The following BBS9 variants were observed in gnomAD, a reference collection of about 807,000 sequenced individuals.
BBS9 encodes the protein protein PTHB1.
In BBS9, 89 loss-of-function variants were observed where a neutral mutation model predicts 117.7. The ratio of observed to expected loss-of-function variants is 0.76; its 90% CI spans 0.64 to 0.90. BBS9 has a LOEUF of 0.90. Ranked by LOEUF, BBS9 falls within the 40% of genes least tolerant of loss-of-function variation. The pLI is 0.00. For synonymous variants in BBS9, 379 were observed against 370.9 expected (o/e 1.02, Z -0.25); for missense variants, 982 against 1,042.2 (o/e 0.94, Z 0.80).
At chr7:33,251,110 GT>G (rs1796150066) in intron 5 of BBS9, among the ~76,000 whole-genome samples, 1 of 152,150 alleles carries the variant, frequency 6.6e-6, no homozygotes, top group Non-Finnish European at 1.5e-5. Flanking sequence ...AGTGACTTCA[GT>G]ATCTACAGGA....
Position 33,264,312 on chromosome 7 carries a change from A to G in BBS9, c.640A>G (p.Thr214Ala). ...CAGGTACCAGGTACTTGCTTTTGCAACAGATGCAGATAAAAGGCAGGAGAC... is the reference window on the plus strand; with the variant it reads ...CAGGTACCAGGTACTTGCTTTTGCAGCAGATGCAGATAAAAGGCAGGAGAC... ...SYKYQVLAFA[T>A]DADKRQETEQ... The change falls in exon 7 of 23, where the codon ACA becomes GCA. Residue 214 changes from threonine (T) to alanine (A), a missense_variant. By Grantham distance (58) the Thr-to-Ala change is moderately conservative. Coordinates refer to ENST00000242067, the MANE Select transcript of BBS9 (RefSeq NM_198428.3). 2 of 1,558,842 alleles carry G rather than the reference A, an allele frequency of 1.3e-6. No individual in the cohort carries two copies. Among genetic ancestry groups the G allele is most frequent in the Non-Finnish European group, 1.7e-6 (2 of 1,152,022 alleles).
At position 33,262,805 on chromosome 7, in the gene BBS9, G is replaced by A. The variant is rs114676669; in HGVS notation, c.618-1485G>A. Among the ~76,000 whole-genome samples the A allele has an allele frequency of 3.4e-3, 519 of 152,152 alleles. 4 individuals carry two copies. Among genetic ancestry groups the A allele is most frequent in the African/African-American group, 0.012 (491 of 41,500 alleles). The stretch of plus-strand genomic sequence containing the variant: ...TAATGCCTTCTCCTTCTTTACCAGC[G>A]TGATAGAATTTTCACTCATCCTTTA... On this transcript the variant is annotated intron_variant, in intron 6 of 22. Transcript: ENST00000242067.
chr7:33,293,427 T>C (rs1261163575), intron 9 of BBS9, among the ~76,000 whole-genome samples: 2 of 151,922 alleles, frequency 1.3e-5, no homozygotes, highest in Non-Finnish European at 2.9e-5. Context: ...TGAGAGGAGA[T>C]AAATCAACAC....
intron 19 of BBS9, among the ~76,000 whole-genome samples, chr7:33,500,139 A>G (rs1385119594): frequency 6.6e-6 from 1 of 152,252 alleles, no homozygotes; most frequent in Non-Finnish European, 1.5e-5. Flanking sequence ...AGTACCACAC[A>G]ACTTTGTGCA....
At chr7:33,281,798 A>AT (rs1300788364) in intron 9 of BBS9, among the ~76,000 whole-genome samples, 2 of 151,532 alleles carry the variant, frequency 1.3e-5, no homozygotes, top group African/African-American at 2.4e-5. Flanking sequence ...TTGCTTCCTT[A>AT]TTTTTTTAAT....
At chr7:33,362,279 C>T (rs1584492590) in intron 16 of BBS9, among the ~76,000 whole-genome samples, 2 of 152,098 alleles carry the variant, frequency 1.3e-5, no homozygotes, top group African/African-American at 4.8e-5. Context: ...TTCATAAACC[C>T]CCCCGTTTAT....
intron 19 of BBS9, among the ~76,000 whole-genome samples, chr7:33,449,228 C>A (rs1837423173): frequency 6.6e-6 from 1 of 152,122 alleles, no homozygotes; most frequent in Non-Finnish European, 1.5e-5. Context: ...GAATGGATGA[C>A]TTTGGGGAGA....
At chr7:33,611,553 TTATA>T (rs1369530744) in intron 21 of BBS9, among the ~76,000 whole-genome samples, 1 of 139,354 alleles carries the variant, frequency 7.2e-6, no homozygotes, top group African/African-American at 2.6e-5. Context: ...TTATATAATA[TTATA>T]TATTATATGT....
intron 19 of BBS9, among the ~76,000 whole-genome samples, chr7:33,501,478 A>G (rs1471114056): frequency 6.6e-6 from 1 of 152,152 alleles, no homozygotes; most frequent in East Asian, 1.9e-4. Flanking sequence ...GAATATATCC[A>G]ATGAGACTGA....
chr7:33,248,729 A>G (rs1795762064), intron 5 of BBS9, among the ~76,000 whole-genome samples: 1 of 152,188 alleles, frequency 6.6e-6, no homozygotes, highest in African/African-American at 2.4e-5. Flanking sequence ...TTCTGTAACA[A>G]TAACAAATTT....
intron 5 of BBS9, among the ~76,000 whole-genome samples, chr7:33,256,499 T>TA (rs1008375463): frequency 1.3e-5 from 2 of 152,298 alleles, no homozygotes; most frequent in African/African-American, 4.8e-5. Context: ...TCTTTTTTTT[T>TA]AGCCTCTTTT....
intron 21 of BBS9, among the ~76,000 whole-genome samples, chr7:33,545,477 G>C (rs1853154263): frequency 6.6e-6 from 1 of 152,110 alleles, no homozygotes; most frequent in Non-Finnish European, 1.5e-5. Context: ...TTCAGTTTCT[G>C]CAGTGGGGGT....
chr7:33,280,880 G>A (rs1203668872), intron 9 of BBS9, among the ~76,000 whole-genome samples: 3 of 87,316 alleles, frequency 3.4e-5, no homozygotes, highest in Non-Finnish European at 7.6e-5. Flanking sequence ...TTCTTTTTTG[G>A]TTTAAGTTTT....
chr7:33,450,932 A>G (rs1259512562), intron 19 of BBS9, among the ~76,000 whole-genome samples: 1 of 149,990 alleles, frequency 6.7e-6, no homozygotes, highest in Non-Finnish European at 1.5e-5. Context: ...TCTGTTGCCC[A>G]GGCTGGAGTG....
intron 19 of BBS9, among the ~76,000 whole-genome samples, chr7:33,419,177 A>G (rs141679340): frequency 2.5e-4 from 38 of 152,206 alleles, no homozygotes; most frequent in African/African-American, 7.7e-4. Context: ...TGCTACCTTA[A>G]TTATTCTTCA....
chr7:33,546,684 A>C (rs543145977), intron 21 of BBS9, among the ~76,000 whole-genome samples: 2 of 152,198 alleles, frequency 1.3e-5, no homozygotes, highest in Non-Finnish European at 1.5e-5. Context: ...GCTTTTAAAG[A>C]GTTCCCTTGG....
intron 5 of BBS9, among the ~76,000 whole-genome samples, chr7:33,206,210 A>G (rs992469944): frequency 6.6e-6 from 1 of 152,228 alleles, no homozygotes; most frequent in Non-Finnish European, 1.5e-5. Context: ...TTCATGGCAG[A>G]TGATTCAAAT....
intron 19 of BBS9, among the ~76,000 whole-genome samples, chr7:33,460,596 AT>A (rs1024088854): frequency 4.6e-5 from 7 of 151,548 alleles, no homozygotes; most frequent in Admixed American, 3.3e-4. Flanking sequence ...GGTATTCTTA[AT>A]TTTTTTTTCA....
chr7:33,292,423 C>T (rs914956771), intron 9 of BBS9, among the ~76,000 whole-genome samples: 1 of 152,056 alleles, frequency 6.6e-6, no homozygotes, highest in Non-Finnish European at 1.5e-5. Context: ...GATGGGGTTT[C>T]ACCATGTTGG....
Sources: allele counts gnomAD v4.1 joint callset (sites outside exome capture counted in the v4.1 genomes callset), GRCh38; gene constraint gnomAD v4.1.1; transcripts MANE v1.5; gene names NCBI Gene and HGNC (gene_info 2026-07-23, HGNC 2026-07-21).